The following SPACA1 variants were observed in gnomAD, a reference collection of about 807,000 sequenced individuals.
The protein encoded by SPACA1 is sperm acrosome membrane-associated protein 1.
A neutral mutation model predicts 32.6 loss-of-function variants in SPACA1; 17 were observed. The ratio of observed to expected loss-of-function variants is 0.52; its 90% CI spans 0.36 to 0.78. SPACA1 has a LOEUF of 0.78. Ranked by LOEUF, SPACA1 falls within the 30% of genes least tolerant of loss-of-function variation. The pLI is 0.01. For missense variants in SPACA1, 363 were observed against 373.4 expected, an observed-to-expected ratio of 0.97 and a Z score of 0.23; for synonymous variants, 140 against 138.1, an observed-to-expected ratio of 1.01 and a Z score of -0.10.
intron 5 of SPACA1, among the ~76,000 whole-genome samples, chr6:88,061,809 G>C (rs777487637): frequency 1.3e-5 from 2 of 152,124 alleles, no homozygotes; most frequent in African/African-American, 2.4e-5. Context: ...TAAAAGGTGA[G>C]AGCATCAAAT....
At chr6:88,049,930 C>A (rs1383562134) in intron 1 of SPACA1, among the ~76,000 whole-genome samples, 3 of 152,082 alleles carry the variant, frequency 2.0e-5, no homozygotes, top group Non-Finnish European at 4.4e-5. Flanking sequence ...GTCAAAAAAA[C>A]CAACACTTTT....
chr6:88,056,658 A>G lies in SPACA1; in HGVS notation c.266-954A>G, dbSNP rs118120894. The stretch of plus-strand genomic sequence containing the variant: ...AGTTATAAGACACCTCTAGTCATCA[A>G]CTTCCCTTTGCCCTCTAAGATAACA... On this transcript the variant is annotated intron_variant, in intron 2 of 6. Transcript: ENST00000237201. 7.0e-3 allele frequency among the ~76,000 whole-genome samples: 1,070 copies of G among 152,264 alleles called. 5 individuals are homozygous for G. Among genetic ancestry groups the G allele is most frequent in the Non-Finnish European group, 0.012 (817 of 68,012 alleles).
rs770319788 is a variant in SPACA1, at chr6:88,064,975, CTTT to C, written c.731+759_731+761del. On this transcript the variant is annotated intron_variant, in intron 6 of 6. Coordinates refer to ENST00000237201, the MANE Select transcript of SPACA1 (RefSeq NM_030960.3). ...ATATTACCTCATATCTAAGAAGTGT[CTTT>C]TTATTATTTTGTTTGTGATGCATAT... Among the ~76,000 whole-genome samples, 3 of 147,520 alleles carry C rather than the reference CTTT, an allele frequency of 2.0e-5. No homozygotes were observed. In the Admixed American group the frequency reaches 2.1e-4, roughly 10 times the overall value.
intron 2 of SPACA1, among the ~76,000 whole-genome samples, chr6:88,056,904 G>T (rs1183228733): frequency 6.6e-6 from 1 of 152,188 alleles, no homozygotes; most frequent in African/African-American, 2.4e-5. Context: ...AGAGCATCTT[G>T]TTGGAAATGG....
chr6:88,047,891 T>A lies in SPACA1; in HGVS notation c.-15T>A. 6.5e-7 allele frequency: 1 copy of A among 1,527,808 alleles called. No individual in the cohort carries two copies. The highest frequency in any genetic ancestry group is 8.8e-7 in the Non-Finnish European group (1 of 1,134,108). The allele number at this position is 1,527,808 out of a possible 1,614,324, so 94.6% of individuals were successfully genotyped here. On this transcript the variant is annotated 5_prime_UTR_variant, in exon 1 of 7. Transcript: ENST00000237201. ...GCGGCGACTGCGCCTCGGACGGCCG[T>A]CGGGGCCGAGAACCATGAGCCCCAG... is the stretch of plus-strand genomic sequence containing the variant.
At chr6:88,052,698 A>G (rs1171255241) in intron 1 of SPACA1, among the ~76,000 whole-genome samples, 1 of 152,060 alleles carries the variant, frequency 6.6e-6, no homozygotes, top group Admixed American at 6.6e-5. Flanking sequence ...TTAGGTGGGC[A>G]TGGTGGCGTC....
At chr6:88,059,739 C>T (rs1391658146) in intron 5 of SPACA1, 151 bp downstream of exon 5, 3 of 717,906 alleles carry the variant, frequency 4.2e-6, no homozygotes, top group Non-Finnish European at 6.1e-6. Flanking sequence ...CAAGAATTTC[C>T]ATTTCTAACA....
At chr6:88,058,418 C>T (rs1209528156) in intron 3 of SPACA1, among the ~76,000 whole-genome samples, 1 of 152,162 alleles carries the variant, frequency 6.6e-6, no homozygotes, top group Non-Finnish European at 1.5e-5. Context: ...AGGAGGATCA[C>T]TTGAGCTCAG....
At chr6:88,064,431 T>G in intron 6 of SPACA1, 1 of 319,258 alleles carries the variant, frequency 3.1e-6, no homozygotes, top group Non-Finnish European at 5.7e-6. Context: ...GACTTGCTTC[T>G]CCAACTATGA....
At chr6:88,048,592 A>AGCCC (rs1269905546) in intron 1 of SPACA1, among the ~76,000 whole-genome samples, 1 of 152,170 alleles carries the variant, frequency 6.6e-6, no homozygotes, top group Non-Finnish European at 1.5e-5. Context: ...ACTGCCCAGA[A>AGCCC]GCCCCATGGC....
rs1211553374 is a variant in SPACA1 at position 88,047,951 on chromosome 6, G to A, written c.46G>A (p.Val16Ile). The change falls in exon 1 of 7, where the codon GTC becomes ATC. Residue 16 changes from valine (V) to isoleucine (I), a missense_variant. Coordinates refer to ENST00000237201, the MANE Select transcript of SPACA1 (RefSeq NM_030960.3). ...CTGCTCCGCCGGGCTGCTGATGACT[G>A]TCGGCTGGCTGCTTCTGGCGGGCCT... ...TGCSAGLLMT[V>I]GWLLLAGLQS... The A allele has an allele frequency of 6.4e-7, 1 of 1,570,874 alleles. No homozygotes were observed. The highest frequency in any genetic ancestry group is 2.3e-5 in the East Asian group (1 of 43,092).
intron 1 of SPACA1, among the ~76,000 whole-genome samples, chr6:88,052,875 T>C (rs1775750459): frequency 6.6e-6 from 1 of 152,108 alleles, no homozygotes; most frequent in African/African-American, 2.4e-5. Flanking sequence ...TGCTCTTAAG[T>C]ACAGAATAGT....
chr6:88,058,692 T>C, intron 3 of SPACA1, 24 bp from the exon 4 acceptor site: 1 of 1,528,442 alleles, frequency 6.5e-7, no homozygotes, highest in African/African-American at 1.4e-5. Context: ...CCCAATGGTA[T>C]TTATGTGCTT....
chr6:88,055,413 A>G (rs9444576), intron 2 of SPACA1, among the ~76,000 whole-genome samples: 220 of 152,362 alleles, frequency 1.4e-3, no homozygotes, highest in African/African-American at 5.0e-3. Context: ...GTAATGTATC[A>G]GATGGTAATA....
At chr6:88,047,678 C>G, upstream of SPACA1, 1 of 515,234 alleles carries the variant, frequency 1.9e-6, no homozygotes, top group Non-Finnish European at 3.4e-6. Flanking sequence ...ACTTGTCGCA[C>G]GCGGCTTCTC....
Position 88,059,600 on chromosome 6 carries a change from G to T in SPACA1, c.610+12G>T. 6.3e-7 allele frequency: 1 copy of T among 1,599,914 alleles called. No homozygotes were observed. Among genetic ancestry groups the T allele is most frequent in the East Asian group, 2.3e-5 (1 of 44,190 alleles). ...CTATACGAGCAGTGGTAAGTGTCCA[G>T]CAATGTCTTGGTTTGCTTATATGCC... On this transcript the variant is annotated intron_variant, in intron 5 of 6. Coordinates refer to ENST00000237201, the MANE Select transcript of SPACA1 (RefSeq NM_030960.3).
chr6:88,047,665 G>C (rs1420028564), upstream of SPACA1: 1 of 502,006 alleles, frequency 2.0e-6, no homozygotes, highest in Non-Finnish European at 3.5e-6. Context: ...TCCTCTCCTA[G>C]GGACTTGTCG....
chr6:88,051,064 G>A (rs1360148041), intron 1 of SPACA1, among the ~76,000 whole-genome samples: 2 of 151,732 alleles, frequency 1.3e-5, no homozygotes, highest in East Asian at 1.9e-4. Context: ...GGAGAATGGC[G>A]TGAACCCAGG....
In SPACA1 at chr6:88,060,194, T is replaced by C. The variant is rs376561959; in HGVS notation, c.610+606T>C. Among the ~76,000 whole-genome samples, 61 of 152,334 alleles carry C rather than the reference T, an allele frequency of 4.0e-4. No individual in the cohort carries two copies. The East Asian group carries it at 0.011, about 28-fold the overall frequency. ...AACCATATTTTCCTTGTGAGATAGA[T>C]CCATTTGCCTATATTCAGTTTAATC... On this transcript the variant is annotated intron_variant, in intron 5 of 6. Coordinates refer to ENST00000237201, the MANE Select transcript of SPACA1 (RefSeq NM_030960.3).
Sources: allele counts gnomAD v4.1 joint callset (sites outside exome capture counted in the v4.1 genomes callset), GRCh38; gene constraint gnomAD v4.1.1; transcripts MANE v1.5; gene names NCBI Gene and HGNC (gene_info 2026-07-23, HGNC 2026-07-21).